Variants in DAPK1 observed in about 807,000 individuals in gnomAD.
The protein encoded by DAPK1 is death-associated protein kinase 1.
DAPK1 carries 56 observed loss-of-function variants against 144.9 expected under a neutral mutation model. That is an observed-to-expected ratio of 0.39 (90% CI 0.31 to 0.48). DAPK1 has a LOEUF of 0.48. Ranked by LOEUF, DAPK1 falls within the 20% of genes least tolerant of loss-of-function variation. The pLI is 0.95. For synonymous variants in DAPK1, 690 were observed against 749.0 expected (o/e 0.92, Z 1.29); for missense variants, 1,454 against 1,875.4 (o/e 0.78, Z 4.15).
chr9:87,660,076 C>T (rs1244144308), intron 18 of DAPK1, among the ~76,000 whole-genome samples: 4 of 152,164 alleles, frequency 2.6e-5, no homozygotes, highest in Non-Finnish European at 5.9e-5. Context: ...CAGGCCCCGT[C>T]CTCAGCCGGA....
In DAPK1 at chr9:87,658,048, A is replaced by G; in HGVS notation, c.1844A>G (p.His615Arg). 1.3e-6 allele frequency: 2 copies of G among 1,488,820 alleles called. No homozygotes were observed. The highest frequency in any genetic ancestry group is 1.9e-6 in the Non-Finnish European group (2 of 1,066,546). 92.2% of individuals were successfully genotyped at this position (1,488,820 alleles called of 1,614,324 possible). Residue 615 changes from histidine to arginine, a missense_variant, in exon 18 of 26, where the codon CAC (histidine) becomes CGC (arginine). This residue lies in a region of DAPK1 where 1,025 missense variants were observed against 1,237.9 expected (regional missense o/e 0.83). Coordinates refer to ENST00000408954, the MANE Select transcript of DAPK1 (RefSeq NM_004938.4). ...TCCCAGTATGGGCGAACGCCTCTGCACCTTGCGGCCAACAACGGAATCCTA... is the reference window on the plus strand; with the variant it reads ...TCCCAGTATGGGCGAACGCCTCTGCGCCTTGCGGCCAACAACGGAATCCTA... ...ISNKYGRTPL[H>R]LAANNGILDV...
chr9:87,612,440 G>A (rs1252521001), intron 3 of DAPK1, among the ~76,000 whole-genome samples: 1 of 152,262 alleles, frequency 6.6e-6, no homozygotes, highest in East Asian at 1.9e-4. Context: ...TAGGACAGAG[G>A]CATGGAGCAG....
rs1242743747 is a variant in DAPK1 at position 87,499,116 on chromosome 9, C to T, written c.39C>T (p.Tyr13=). The T allele has an allele frequency of 8.1e-6, 13 of 1,613,842 alleles. No individual in the cohort carries two copies. Among genetic ancestry groups the T allele is most frequent in the Admixed American group, 1.7e-5 (1 of 59,990 alleles). Residue 13 remains tyrosine (Y), a synonymous_variant, in exon 2 of 26, where the codon TAC becomes TAT. Transcript: ENST00000408954. The part of the protein sequence containing the change: ...VFRQENVDDY[Y]DTGEELGSGQ... The stretch of plus-strand genomic sequence containing the variant: ...GGCAGGAAAACGTGGATGATTACTA[C>T]GACACCGGCGAGGAACTTGGCAGGT...
intron 2 of DAPK1, among the ~76,000 whole-genome samples, chr9:87,597,117 A>G (rs1828344987): frequency 6.6e-6 from 1 of 152,308 alleles, no homozygotes; most frequent in East Asian, 1.9e-4. Context: ...GGAGCTTCTG[A>G]GAACTCAAGC....
At chr9:87,609,424 A>T (rs534113337) in intron 3 of DAPK1, among the ~76,000 whole-genome samples, 1 of 152,330 alleles carries the variant, frequency 6.6e-6, no homozygotes, top group East Asian at 1.9e-4. Context: ...GTGCACCCTT[A>T]CTATTATCTT....
At chr9:87,524,275 C>T (rs931949819) in intron 2 of DAPK1, among the ~76,000 whole-genome samples, 3 of 152,160 alleles carry the variant, frequency 2.0e-5, no homozygotes, top group African/African-American at 2.4e-5. Flanking sequence ...GTCTCTGGGC[C>T]CACTGCATCT....
chr9:87,554,966 A>C (rs950650546), intron 2 of DAPK1, among the ~76,000 whole-genome samples: 3 of 152,182 alleles, frequency 2.0e-5, no homozygotes, highest in Non-Finnish European at 4.4e-5. Context: ...AGGCCCCTTG[A>C]TCTCTGGAGA....
chr9:87,508,078 T>C (rs1326691422), intron 2 of DAPK1, among the ~76,000 whole-genome samples: 1 of 152,152 alleles, frequency 6.6e-6, no homozygotes, highest in Admixed American at 6.5e-5. Context: ...AGTGGCATGC[T>C]CTTGGCTCGC....
intron 2 of DAPK1, among the ~76,000 whole-genome samples, chr9:87,546,197 G>A (rs1302438970): frequency 5.9e-5 from 9 of 152,116 alleles, no homozygotes; most frequent in Non-Finnish European, 1.2e-4. Flanking sequence ...GGAGATGACC[G>A]TCAATGAAAA....
chr9:87,546,303 C>T lies in DAPK1; in HGVS notation c.62+47164C>T, dbSNP rs113292671. 1.2e-3 allele frequency among the ~76,000 whole-genome samples: 187 copies of T among 152,198 alleles called. 1 individual carries two copies. Among genetic ancestry groups the T allele is most frequent in the African/African-American group, 4.1e-3 (169 of 41,516 alleles). On this transcript the variant is annotated intron_variant, in intron 2 of 25. Coordinates refer to ENST00000408954, the MANE Select transcript of DAPK1 (RefSeq NM_004938.4). ...GGAGGCAGTGGGAGTGAGGGGAAAA[C>T]GAGAGCAAGAGCCTCTACTGTGGTT...
At chr9:87,634,667 C>T (rs1829826761) in intron 3 of DAPK1, among the ~76,000 whole-genome samples, 1 of 152,190 alleles carries the variant, frequency 6.6e-6, no homozygotes, top group African/African-American at 2.4e-5. Context: ...AGACCGTCTT[C>T]GGAAAAATGT....
At chr9:87,508,729 G>A (rs144172245) in intron 2 of DAPK1, among the ~76,000 whole-genome samples, 31 of 150,040 alleles carry the variant, frequency 2.1e-4, no homozygotes, top group African/African-American at 7.6e-4. Flanking sequence ...GACATGTAGA[G>A]AAAGTCATCA....
chr9:87,560,961 T>A (rs1826894146), intron 2 of DAPK1, among the ~76,000 whole-genome samples: 1 of 152,146 alleles, frequency 6.6e-6, no homozygotes, highest in Non-Finnish European at 1.5e-5. Context: ...CCACCGCGCC[T>A]GGCTAGGATG....
At chr9:87,693,821 T>C (rs1243552388) in intron 21 of DAPK1, among the ~76,000 whole-genome samples, 1 of 152,194 alleles carries the variant, frequency 6.6e-6, no homozygotes, top group Non-Finnish European at 1.5e-5. Flanking sequence ...ACGATTTTTT[T>C]TCAGCTGTAA....
intron 19 of DAPK1, among the ~76,000 whole-genome samples, chr9:87,678,092 G>C (rs1219840409): frequency 2.6e-5 from 4 of 152,144 alleles, no homozygotes; most frequent in Non-Finnish European, 5.9e-5. Flanking sequence ...GAACCTGTTG[G>C]GATTTGAGGT....
chr9:87,582,440 C>T (rs1303769222), intron 2 of DAPK1, among the ~76,000 whole-genome samples: 2 of 152,092 alleles, frequency 1.3e-5, no homozygotes, highest in African/African-American at 4.8e-5. Flanking sequence ...AAAACGTGGT[C>T]AGGAGCAGTT....
chr9:87,700,985 T>G (rs1270103349), intron 24 of DAPK1, among the ~76,000 whole-genome samples: 1 of 152,226 alleles, frequency 6.6e-6, no homozygotes, highest in Non-Finnish European at 1.5e-5. Flanking sequence ...GTTATATAAA[T>G]GTAATACAAT....
intron 2 of DAPK1, among the ~76,000 whole-genome samples, chr9:87,573,587 G>A (rs970050105): frequency 6.6e-6 from 1 of 152,310 alleles, no homozygotes; most frequent in Admixed American, 6.5e-5. Context: ...TGGCTGTGCT[G>A]TGCCACCTCT....
intron 19 of DAPK1, among the ~76,000 whole-genome samples, chr9:87,671,570 G>C (rs1824158702): frequency 6.6e-6 from 1 of 151,668 alleles, no homozygotes; most frequent in Non-Finnish European, 1.5e-5. Context: ...GCATAGTCAG[G>C]GCTCACTGCA....
Sources: allele counts gnomAD v4.1 joint callset (sites outside exome capture counted in the v4.1 genomes callset), GRCh38; gene constraint gnomAD v4.1.1; regional missense constraint gnomAD v4.1.1; transcripts MANE v1.5; gene names NCBI Gene and HGNC (gene_info 2026-07-23, HGNC 2026-07-21).